Variants in SEPTIN11 observed in about 807,000 individuals in gnomAD.
SEPTIN11 encodes the protein septin-11.
A neutral mutation model predicts 51.4 loss-of-function variants in SEPTIN11; 25 were observed. That is an observed-to-expected ratio of 0.49 (90% CI 0.35 to 0.68). The LOEUF (loss-of-function observed/expected upper bound fraction) is 0.68, where lower values mean the gene tolerates loss of function less well. SEPTIN11 is among the 30% of genes least tolerant of loss of function. The pLI, the probability that SEPTIN11 is intolerant of heterozygous loss-of-function variation, is 0.00. For missense variants in SEPTIN11, 381 were observed against 520.8 expected (o/e 0.73, Z 2.61); for synonymous variants, 174 against 184.1 (o/e 0.95, Z 0.44).
rs549815696 is a variant in SEPTIN11, at chr4:77,019,194, C to T, written c.717C>T (p.Ser239=). The T allele has an allele frequency of 8.7e-6, 14 of 1,613,576 alleles. No individual in the cohort carries two copies. In the African/African-American group the frequency reaches 1.5e-4, roughly 17 times the overall value. Residue 239 remains serine (S), a synonymous_variant, in exon 6 of 10, where the codon AGC becomes AGT. Transcript: ENST00000264893. ...SVHLPFAVVG[S]TEEVKIGNKM... ...ATCTCCCATTTGCAGTGGTTGGCAG[C>T]ACCGAAGAGGTGAAGATTGGCAACA... is the stretch of plus-strand genomic sequence containing the variant.
intron 1 of SEPTIN11, among the ~76,000 whole-genome samples, chr4:76,989,896 G>A (rs755432679): frequency 1.1e-4 from 16 of 152,126 alleles, no homozygotes; most frequent in Non-Finnish European, 1.5e-4. Flanking sequence ...TGTTCCTGCC[G>A]GTTGGTTTGT....
rs1724883528 is a variant in SEPTIN11 at position 77,011,818 on chromosome 4, A to G, written c.422A>G (p.Asn141Ser). 4 of 1,614,144 alleles carry G rather than the reference A, an allele frequency of 2.5e-6. No individual in the cohort carries two copies. Among genetic ancestry groups the G allele is most frequent in the Non-Finnish European group, 3.4e-6 (4 of 1,179,980 alleles). The change falls in exon 4 of 10, where the codon AAC (asparagine) becomes AGC (serine). Residue 141 changes from asparagine to serine, a missense_variant. By Grantham distance (46) the Asn-to-Ser change is conservative. This residue lies in a region of SEPTIN11 where 184 missense variants were observed against 207.7 expected (regional missense o/e 0.89). Transcript: ENST00000264893. ...TTGAAGATTAAACGTTCTCTCTTCA[A>G]CTACCATGACACGAGGATCCATGCC... ...EELKIKRSLF[N>S]YHDTRIHACL... is the part of the protein sequence containing the mutation.
chr4:76,969,507 C>T (rs751026173), intron 1 of SEPTIN11, among the ~76,000 whole-genome samples: 36 of 152,132 alleles, frequency 2.4e-4, no homozygotes, highest in South Asian at 6.2e-4. Flanking sequence ...ATGTTGGGAA[C>T]TCTGAATCAT....
Position 77,024,759 on chromosome 4 carries a change from GGCAGCC to G in SEPTIN11, c.954-3869_954-3864del. ...GGAGATGGAGTTCTTATCTGAGCAA[GGCAGCC>G]TGGTCTCAGTCCTGGCTCTGTTACT... On this transcript the variant is annotated intron_variant, in intron 7 of 9. Transcript: ENST00000264893. The surrounding 1 kb of genome is among the most constrained non-coding windows in gnomAD (Gnocchi z 4.2). 2.6e-5 allele frequency among the ~76,000 whole-genome samples: 4 copies of G among 152,200 alleles called. No individual in the cohort carries two copies.
chr4:76,994,820 C>G (rs1429636996), intron 1 of SEPTIN11, among the ~76,000 whole-genome samples: 1 of 151,238 alleles, frequency 6.6e-6, no homozygotes, highest in Non-Finnish European at 1.5e-5. Context: ...AAAGAAATCA[C>G]CCTCTTGATT....
intron 2 of SEPTIN11, among the ~76,000 whole-genome samples, chr4:77,004,213 A>G (rs1289010179): frequency 6.6e-6 from 1 of 152,206 alleles, no homozygotes; most frequent in Non-Finnish European, 1.5e-5. Flanking sequence ...TGATTGGTAC[A>G]GTGGTTACAG....
At chr4:76,993,792 T>C (rs1459262223) in intron 1 of SEPTIN11, among the ~76,000 whole-genome samples, 1 of 152,232 alleles carries the variant, frequency 6.6e-6, no homozygotes, top group African/African-American at 2.4e-5. Context: ...ACTCTAAAGA[T>C]ACAACTTTAA....
At chr4:77,020,256 C>T (rs1336141261) in intron 6 of SEPTIN11, among the ~76,000 whole-genome samples, 3 of 152,158 alleles carry the variant, frequency 2.0e-5, no homozygotes, top group Non-Finnish European at 4.4e-5. Context: ...TTTCAAGCTC[C>T]TCCCTCTGTG....
At chr4:77,002,797 T>A (rs183042384) in intron 2 of SEPTIN11, among the ~76,000 whole-genome samples, 1 of 151,944 alleles carries the variant, frequency 6.6e-6, no homozygotes, top group East Asian at 1.9e-4. Context: ...TTCAGGAAAG[T>A]AAGGAAGACA....
At chr4:77,015,148 C>G in intron 5 of SEPTIN11, 131 bp downstream of exon 5, 1 of 751,074 alleles carries the variant, frequency 1.3e-6, no homozygotes, top group African/African-American at 1.8e-5. Flanking sequence ...GCTTTGCCAC[C>G]ACTTCAAGTC....
At chr4:77,009,439 A>T (rs1182739943) in intron 3 of SEPTIN11, among the ~76,000 whole-genome samples, 3 of 152,222 alleles carry the variant, frequency 2.0e-5, no homozygotes, top group African/African-American at 7.2e-5. Context: ...CATCAGATAG[A>T]TGGTGAGTGG....
At chr4:76,981,322 T>C (rs1722760803) in intron 1 of SEPTIN11, among the ~76,000 whole-genome samples, 1 of 152,126 alleles carries the variant, frequency 6.6e-6, no homozygotes, top group African/African-American at 2.4e-5. Context: ...GAGAGGACTG[T>C]GGGAACATTC....
rs377040912 is a variant in SEPTIN11, at chr4:77,028,777, T to C, written c.1086+16T>C. The C allele has an allele frequency of 1.5e-4, 247 of 1,596,850 alleles. 2 individuals carry two copies. The Middle Eastern group carries it at 4.0e-3, about 26-fold the overall frequency. On this transcript the variant is annotated intron_variant, in intron 8 of 9. Transcript: ENST00000264893. ...AGAGAAAGAGGTAAGCCATCTGTCCTGCTTCAAGGGAAAGATTTGTAAGAG... is the reference window on the plus strand; with the variant it reads ...AGAGAAAGAGGTAAGCCATCTGTCCCGCTTCAAGGGAAAGATTTGTAAGAG...
At position 77,036,975 on chromosome 4, in the gene SEPTIN11, A is replaced by G; in HGVS notation, c.*2463A>G. On this transcript the variant is annotated 3_prime_UTR_variant, in exon 10 of 10. Coordinates refer to ENST00000264893, the MANE Select transcript of SEPTIN11 (RefSeq NM_018243.4). Reference sequence around the variant, plus strand: ...GTTTGAGTAGCCTTTGTTTAAAAAAAAGACTAAATATATTTAAAAGGCCAC... The same window carrying G: ...GTTTGAGTAGCCTTTGTTTAAAAAAGAGACTAAATATATTTAAAAGGCCAC... 2 of 1,275,934 alleles carry G rather than the reference A, an allele frequency of 1.6e-6. No homozygotes were observed. The highest frequency in any genetic ancestry group is 3.1e-5 in the East Asian group (1 of 32,314). 79.0% of individuals were successfully genotyped at this position (1,275,934 alleles called of 1,614,324 possible).
At position 77,011,750 on chromosome 4, in the gene SEPTIN11, A is replaced by G. The variant is rs1724879001; in HGVS notation, c.354A>G (p.Val118=). 6.2e-7 allele frequency: 1 copy of G among 1,614,104 alleles called. No individual in the cohort carries two copies. Among genetic ancestry groups the G allele is most frequent in the African/African-American group, 1.3e-5 (1 of 75,052 alleles). The part of the protein sequence containing the change: ...INKDDSYKPI[V]EYIDAQFEAY... The stretch of plus-strand genomic sequence containing the variant: ...TGCATTCTAGCTATAAGCCGATAGT[A>G]GAATATATTGATGCCCAGTTCGAGG... Residue 118 remains valine, a synonymous_variant, in exon 4 of 10, where the codon GTA becomes GTG. Transcript: ENST00000264893.
chr4:76,959,403 G>C (rs1038882683), intron 1 of SEPTIN11, among the ~76,000 whole-genome samples: 2 of 151,572 alleles, frequency 1.3e-5, no homozygotes, highest in Non-Finnish European at 2.9e-5. Context: ...TATGAGCCAC[G>C]GGCACATGGC....
At chr4:76,961,523 C>T (rs1721824558) in intron 1 of SEPTIN11, among the ~76,000 whole-genome samples, 1 of 152,156 alleles carries the variant, frequency 6.6e-6, no homozygotes, top group South Asian at 2.1e-4. Context: ...TTGAAAATAT[C>T]TAAGTTTAAA....
intron 8 of SEPTIN11, among the ~76,000 whole-genome samples, chr4:77,029,335 A>AGTGT (rs71767856): frequency 0.022 from 3,329 of 149,604 alleles, 52 homozygotes; most frequent in Admixed American, 0.058. Context: ...ATTGTATTTG[A>AGTGT]GTGTGTGTGT....
Position 77,037,358 on chromosome 4 carries a change from C to CAAAA in SEPTIN11, c.*2855_*2858dup. On this transcript the variant is annotated 3_prime_UTR_variant, in exon 10 of 10. Coordinates refer to ENST00000264893, the MANE Select transcript of SEPTIN11 (RefSeq NM_018243.4). The stretch of plus-strand genomic sequence containing the variant: ...ACCTGGGTGATGAAGTGAGACTCTC[C>CAAAA]AAAAAAAAAAAAGAAATTATTAATC... 1 of 761,910 alleles carries CAAAA rather than the reference C, an allele frequency of 1.3e-6. No individual in the cohort carries two copies. The highest frequency in any genetic ancestry group is 1.6e-6 in the Non-Finnish European group (1 of 636,196). The allele number at this position is 761,910 out of a possible 1,614,324, so 47.2% of individuals were successfully genotyped here. A position where few individuals can be genotyped will look rare whatever the true frequency, so the allele number is the denominator to read the frequency against.
Sources: allele counts gnomAD v4.1 joint callset (sites outside exome capture counted in the v4.1 genomes callset), GRCh38; gene constraint gnomAD v4.1.1; regional missense constraint gnomAD v4.1.1; non-coding constraint Gnocchi (gnomAD v3.1); transcripts MANE v1.5; gene names NCBI Gene and HGNC (gene_info 2026-07-23, HGNC 2026-07-21).